CD274: variants seen among roughly 807,000 people sequenced by gnomAD.
CD274 encodes the protein programmed cell death 1 ligand 1.
Under a neutral mutation model 30.1 loss-of-function variants are expected in CD274, and 8 were observed. That is an observed-to-expected ratio of 0.27 (90% CI 0.16 to 0.48). The LOEUF (loss-of-function observed/expected upper bound fraction) is 0.48, where lower values mean the gene tolerates loss of function less well. CD274 is among the 20% of genes least tolerant of loss of function. The pLI is 0.99. For missense variants in CD274, 353 were observed against 346.6 expected, an observed-to-expected ratio of 1.02 and a Z score of -0.15; for synonymous variants, 152 against 124.6, an observed-to-expected ratio of 1.22 and a Z score of -1.46.
At chr9:5,465,266 A>C (rs1194238877) in intron 4 of CD274, among the ~76,000 whole-genome samples, 1 of 152,222 alleles carries the variant, frequency 6.6e-6, no homozygotes, top group Non-Finnish European at 1.5e-5. Flanking sequence ...AAACTGGTTA[A>C]GGGCAGCAGA....
At position 5,463,106 on chromosome 9, in the gene CD274, G is replaced by A. The variant is rs2131224613; in HGVS notation, c.667G>A (p.Glu223Lys). 1 of 1,613,718 alleles carries A rather than the reference G, an allele frequency of 6.2e-7. No individual in the cohort carries two copies. Among genetic ancestry groups the A allele is most frequent in the South Asian group, 1.1e-5 (1 of 91,066 alleles). The change falls in exon 4 of 7, where the codon GAA becomes AAA. Residue 223 changes from glutamate to lysine, a missense_variant. Coordinates refer to ENST00000381577, the MANE Select transcript of CD274 (RefSeq NM_014143.4). ...RLDPEENHTA[E>K]LVIPELPLAH... ...AGATCCTGAGGAAAACCATACAGCT[G>A]AATTGGTCATCCCAGGTAATATTCT...
chr9:5,454,516 C>T (rs76991253), intron 1 of CD274, among the ~76,000 whole-genome samples: 2,099 of 152,094 alleles, frequency 0.014, 56 homozygotes, highest in African/African-American at 0.047. Flanking sequence ...TGAATTCAGT[C>T]CTTAATGGTA....
Position 5,469,340 on chromosome 9 carries a change from A to G in CD274, c.*1478A>G, listed in dbSNP as rs1819548860. On this transcript the variant is annotated 3_prime_UTR_variant, in exon 7 of 7. Coordinates refer to ENST00000381577, the MANE Select transcript of CD274 (RefSeq NM_014143.4). The stretch of plus-strand genomic sequence containing the variant: ...ATACCTTTCCATGATTCAAAATTCA[A>G]AAGATCCCATGGGAGATGGTTGGAA... The G allele has an allele frequency of 8.6e-6, 2 of 232,666 alleles. No individual in the cohort carries two copies. Among genetic ancestry groups the G allele is most frequent in the South Asian group, 3.6e-4 (2 of 5,526 alleles). 14.4% of individuals were successfully genotyped at this position (232,666 alleles called of 1,614,324 possible).
chr9:5,457,655 C>A (rs932158420), intron 3 of CD274, among the ~76,000 whole-genome samples: 1 of 152,184 alleles, frequency 6.6e-6, no homozygotes, highest in African/African-American at 2.4e-5. Context: ...ACAGTATGTA[C>A]AGTTTTCCAA....
chr9:5,461,998 G>A (rs1006866898), intron 3 of CD274, among the ~76,000 whole-genome samples: 2 of 152,104 alleles, frequency 1.3e-5, no homozygotes, highest in East Asian at 3.8e-4. Flanking sequence ...ATGTACTAAC[G>A]TCCTTAGTTA....
At chr9:5,455,966 T>C (rs1819294390) in intron 1 of CD274, 134 bp from the exon 2 acceptor site, 1 of 613,182 alleles carries the variant, frequency 1.6e-6, no homozygotes, top group Middle Eastern at 2.7e-4. Flanking sequence ...CCCTGTTGGG[T>C]TTCCACAATT....
chr9:5,453,957 G>A (rs1012202414), intron 1 of CD274, among the ~76,000 whole-genome samples: 1 of 152,082 alleles, frequency 6.6e-6, no homozygotes, highest in Non-Finnish European at 1.5e-5. Context: ...ATGCTCCCTG[G>A]GTGAGAGTGA....
chr9:5,457,600 A>T (rs548899352), intron 3 of CD274, among the ~76,000 whole-genome samples, 180 bp downstream of exon 3: 1 of 152,228 alleles, frequency 6.6e-6, no homozygotes, highest in Non-Finnish European at 1.5e-5. Context: ...CACCTATTTG[A>T]TAGTCACTGG....
At chr9:5,454,538 G>A (rs567646304) in intron 1 of CD274, among the ~76,000 whole-genome samples, 3 of 151,848 alleles carry the variant, frequency 2.0e-5, no homozygotes, top group Non-Finnish European at 2.9e-5. Flanking sequence ...TATATTTTGT[G>A]AATATACCAA....
Position 5,468,625 on chromosome 9 carries a change from T to C in CD274, c.*763T>C. The C allele has an allele frequency of 1.7e-5, 4 of 233,064 alleles. No homozygotes were observed. Among genetic ancestry groups the C allele is most frequent in the Non-Finnish European group, 3.4e-5 (4 of 117,886 alleles). The allele number at this position is 233,064 out of a possible 1,614,324, so 14.4% of individuals were successfully genotyped here. On this transcript the variant is annotated 3_prime_UTR_variant, in exon 7 of 7. Coordinates refer to ENST00000381577, the MANE Select transcript of CD274 (RefSeq NM_014143.4). The stretch of plus-strand genomic sequence containing the variant: ...AGACCTCAAGTGTCTGTGCAGTATC[T>C]GTTCCATTTAAATATCAGCTTTACA...
chr9:5,452,657 G>A (rs1819228602), intron 1 of CD274, among the ~76,000 whole-genome samples: 1 of 152,174 alleles, frequency 6.6e-6, no homozygotes, highest in Non-Finnish European at 1.5e-5. Context: ...AATGACAGCT[G>A]CACCCCAAGG....
At position 5,469,046 on chromosome 9, in the gene CD274, C is replaced by T. The variant is rs899604155; in HGVS notation, c.*1184C>T. ...ATAAGGATGATGCGAGGGGAAAACCCGAGCAGTGTTGCCAAGAGGAGGAAA... is the reference window on the plus strand; with the variant it reads ...ATAAGGATGATGCGAGGGGAAAACCTGAGCAGTGTTGCCAAGAGGAGGAAA... On this transcript the variant is annotated 3_prime_UTR_variant, in exon 7 of 7. Coordinates refer to ENST00000381577, the MANE Select transcript of CD274 (RefSeq NM_014143.4). 17 of 232,876 alleles carry T rather than the reference C, an allele frequency of 7.3e-5. No homozygotes were observed. The highest frequency in any genetic ancestry group is 3.8e-4 in the African/African-American group (17 of 45,292). 14.4% of individuals were successfully genotyped at this position (232,876 alleles called of 1,614,324 possible). A position where few individuals can be genotyped will look rare whatever the true frequency, so the allele number is the denominator to read the frequency against.
At chr9:5,456,022 C>T (rs997965275) in intron 1 of CD274, 78 bp from the exon 2 acceptor site, 1 of 840,312 alleles carries the variant, frequency 1.2e-6, no homozygotes, top group East Asian at 2.5e-5. Flanking sequence ...TCAGTTAGAA[C>T]CACCAAGTCC....
At chr9:5,452,026 C>CT (rs71326169) in intron 1 of CD274, among the ~76,000 whole-genome samples, 54,508 of 126,252 alleles carry the variant, frequency 0.43, 12,691 homozygotes, top group Non-Finnish European at 0.46. Flanking sequence ...TTTTTTTTGT[C>CT]TTTTTTTTTT....
Position 5,469,318 on chromosome 9 carries a change from C to A in CD274, c.*1456C>A, listed in dbSNP as rs796460414. 31 of 232,536 alleles carry A rather than the reference C, an allele frequency of 1.3e-4. No homozygotes were observed. The highest frequency in any genetic ancestry group is 5.3e-4 in the African/African-American group (24 of 45,376). The allele number at this position is 232,536 out of a possible 1,614,324, so 14.4% of individuals were successfully genotyped here. Reference sequence around the variant, plus strand: ...AATGCCACTAAATTTTAAATTCATACCTTTCCATGATTCAAAATTCAAAAG... The same window carrying A: ...AATGCCACTAAATTTTAAATTCATAACTTTCCATGATTCAAAATTCAAAAG... On this transcript the variant is annotated 3_prime_UTR_variant, in exon 7 of 7. Transcript: ENST00000381577.
At chr9:5,457,793 G>GCACTTA (rs1819333370) in intron 3 of CD274, among the ~76,000 whole-genome samples, 1 of 152,138 alleles carries the variant, frequency 6.6e-6, no homozygotes, top group African/African-American at 2.4e-5. Flanking sequence ...TATCTCCCAT[G>GCACTTA]GCATGCAGAG....
Position 5,467,993 on chromosome 9 carries a change from A to G in CD274, c.*131A>G. On this transcript the variant is annotated 3_prime_UTR_variant, in exon 7 of 7. Coordinates refer to ENST00000381577, the MANE Select transcript of CD274 (RefSeq NM_014143.4). ...AGGCAATGTGGGACTTAAAAGGCCC[A>G]AGCACTGAAAATGGAACCTGGCGAA... The G allele has an allele frequency of 1.3e-6, 1 of 767,704 alleles. No homozygotes were observed. Among genetic ancestry groups the G allele is most frequent in the Non-Finnish European group, 2.3e-6 (1 of 439,844 alleles). 47.6% of individuals were successfully genotyped at this position (767,704 alleles called of 1,614,324 possible).
chr9:5,456,052 T>C, intron 1 of CD274, 48 bp from the exon 2 acceptor site: 1 of 1,038,620 alleles, frequency 9.6e-7, no homozygotes, highest in Middle Eastern at 2.0e-4. Context: ...ATATTGTATG[T>C]TTAATTATTA....
intron 4 of CD274, among the ~76,000 whole-genome samples, chr9:5,463,860 T>TA (rs1307331580): frequency 1.3e-5 from 2 of 152,102 alleles, no homozygotes; most frequent in Admixed American, 6.5e-5. Flanking sequence ...TATTTTTTTT[T>TA]ATCTCACTAC....
Sources: gnomAD v4.1 joint callset for allele counts (sites outside exome capture counted in the v4.1 genomes callset) on GRCh38, gnomAD v4.1.1 for gene constraint, MANE v1.5 for transcripts, NCBI Gene and HGNC (gene_info 2026-07-23, HGNC 2026-07-21) for gene names.